The following MAP4K4 variants were observed in gnomAD, a reference collection of about 807,000 sequenced individuals.
MAP4K4 encodes the protein HPK/GCK-like kinase HGK.
MAP4K4 carries 38 observed loss-of-function variants against 189.6 expected under a neutral mutation model. The ratio of observed to expected loss-of-function variants is 0.20; its 90% CI spans 0.15 to 0.26. The LOEUF (loss-of-function observed/expected upper bound fraction) is 0.26, where lower values mean the gene tolerates loss of function less well. MAP4K4 is among the 10% of genes least tolerant of loss of function. MAP4K4 has a pLI of 1.00. For missense variants in MAP4K4, 1,054 were observed against 1,726.9 expected, an observed-to-expected ratio of 0.61 and a Z score of 6.91; for synonymous variants, 610 against 624.3, an observed-to-expected ratio of 0.98 and a Z score of 0.34.
At chr2:101,845,519 A>G (rs1224366552) in intron 12 of MAP4K4, among the ~76,000 whole-genome samples, 8 of 152,192 alleles carry the variant, frequency 5.3e-5, no homozygotes, top group African/African-American at 1.9e-4. Context: ...CACCTAGACT[A>G]TGTGGTGTGG....
At chr2:101,717,302 A>G (rs756283330) in intron 2 of MAP4K4, among the ~76,000 whole-genome samples, 1 of 152,202 alleles carries the variant, frequency 6.6e-6, no homozygotes, top group Admixed American at 6.5e-5. Context: ...AACGAAGCTT[A>G]TCTCCTTCCC....
At chr2:101,788,974 A>G (rs1293691337) in intron 2 of MAP4K4, among the ~76,000 whole-genome samples, 2 of 152,184 alleles carry the variant, frequency 1.3e-5, no homozygotes, top group East Asian at 3.9e-4. Flanking sequence ...TTACCCTATC[A>G]GATACTCAGA....
intron 2 of MAP4K4, among the ~76,000 whole-genome samples, chr2:101,772,404 A>G (rs2081924477): frequency 1.3e-5 from 2 of 152,240 alleles, no homozygotes; most frequent in Non-Finnish European, 2.9e-5. Context: ...TCTTTGATCT[A>G]AGTAACAGCT....
At chr2:101,770,781 G>A (rs2081037686) in intron 2 of MAP4K4, among the ~76,000 whole-genome samples, 3 of 152,174 alleles carry the variant, frequency 2.0e-5, no homozygotes, top group Admixed American at 2.0e-4. Context: ...GCTGTTGGCT[G>A]TCTTGTGTGG....
chr2:101,845,354 C>T (rs761513910), intron 12 of MAP4K4, among the ~76,000 whole-genome samples: 12 of 152,092 alleles, frequency 7.9e-5, no homozygotes, highest in African/African-American at 2.7e-4. Flanking sequence ...ACAGCTTTCA[C>T]GTTTTTAATG....
intron 2 of MAP4K4, among the ~76,000 whole-genome samples, chr2:101,702,059 C>T (rs1032148097): frequency 5.3e-5 from 8 of 152,044 alleles, no homozygotes; most frequent in Non-Finnish European, 1.0e-4. Context: ...TGGGTTTTCA[C>T]CATGTTGGCT....
intron 27 of MAP4K4, among the ~76,000 whole-genome samples, chr2:101,880,203 A>T (rs2098343216): frequency 6.6e-6 from 1 of 152,164 alleles, no homozygotes; most frequent in Non-Finnish European, 1.5e-5. Flanking sequence ...AGTGAAGTCC[A>T]ACTTACTAGT....
chr2:101,759,912 C>T (rs916415876), intron 2 of MAP4K4, among the ~76,000 whole-genome samples: 2 of 151,174 alleles, frequency 1.3e-5, no homozygotes, highest in African/African-American at 2.4e-5. Flanking sequence ...GGCACAGTCT[C>T]ACCTCACTGC....
chr2:101,803,281 GTT>G (rs57465633), intron 3 of MAP4K4, among the ~76,000 whole-genome samples: 5 of 148,524 alleles, frequency 3.4e-5, no homozygotes, highest in Admixed American at 3.3e-4. Flanking sequence ...GTGTGTGTGT[GTT>G]TGTGTGTGTG....
intron 2 of MAP4K4, among the ~76,000 whole-genome samples, chr2:101,740,775 C>G (rs2062384730): frequency 6.6e-6 from 1 of 152,034 alleles, no homozygotes; most frequent in Admixed American, 6.5e-5. Flanking sequence ...AAAAAAAAAC[C>G]TTATTTTTAG....
chr2:101,859,716 C>T (rs1228474024), exon 15 of MAP4K4: 1 of 1,612,448 alleles, frequency 6.2e-7, no homozygotes, highest in African/African-American at 1.3e-5. Context: ...CAAGAACAAG[C>T]ATATCTCCTG....
chr2:101,833,435 C>A (rs892002326), intron 7 of MAP4K4, among the ~76,000 whole-genome samples: 2 of 151,574 alleles, frequency 1.3e-5, no homozygotes, highest in African/African-American at 4.8e-5. Flanking sequence ...CCTGGCTAAC[C>A]CGGTGAAACC....
At chr2:101,742,526 G>A (rs2063318428) in intron 2 of MAP4K4, among the ~76,000 whole-genome samples, 1 of 104,046 alleles carries the variant, frequency 9.6e-6, no homozygotes, top group African/African-American at 2.6e-5. Flanking sequence ...CAATAAATGT[G>A]TGCCAGAGAG....
chr2:101,753,687 A>G (rs114914818), intron 2 of MAP4K4, among the ~76,000 whole-genome samples: 24 of 150,462 alleles, frequency 1.6e-4, no homozygotes, highest in African/African-American at 5.6e-4. Context: ...TCCTTAGCCC[A>G]GCAAAAACCT....
chr2:101,885,945 C>G (rs1446192700), intron 29 of MAP4K4, among the ~76,000 whole-genome samples: 7 of 152,082 alleles, frequency 4.6e-5, no homozygotes, highest in Non-Finnish European at 8.8e-5. Flanking sequence ...ACAAATATAC[C>G]TCACATTGCC....
At chr2:101,739,329 C>T (rs375388673) in intron 2 of MAP4K4, among the ~76,000 whole-genome samples, 3 of 152,272 alleles carry the variant, frequency 2.0e-5, no homozygotes, top group African/African-American at 4.8e-5. Flanking sequence ...TTTATGAAGT[C>T]ATCTTAGTGT....
rs757675150 is a variant in MAP4K4 at position 101,698,128 on chromosome 2, C to T, written c.48C>T (p.Ser16=). 5 of 1,260,840 alleles carry T rather than the reference C, an allele frequency of 4.0e-6. No homozygotes were observed. In the African/African-American group the frequency reaches 6.4e-5, roughly 16 times the overall value. 78.1% of individuals were successfully genotyped at this position (1,260,840 alleles called of 1,614,324 possible). ...AAAGTCTGGTGGACATCGACCTCTCCTCCCTGCGGGTGAGTGGGCCCGCGA... is the reference window on the plus strand; with the variant it reads ...AAAGTCTGGTGGACATCGACCTCTCTTCCCTGCGGGTGAGTGGGCCCGCGA... Residue 16 remains serine, a synonymous_variant, in exon 1 of 33, where the codon TCC becomes TCT. Transcript: ENST00000324219.
chr2:101,821,047 C>T (rs144757094), intron 3 of MAP4K4, among the ~76,000 whole-genome samples: 1 of 151,738 alleles, frequency 6.6e-6, no homozygotes, highest in African/African-American at 2.4e-5. Flanking sequence ...ACTGGCTAGT[C>T]TAAACACTGG....
In MAP4K4 at chr2:101,887,076, G is replaced by A. The variant is rs771225960; in HGVS notation, c.3622-12G>A. 5.3e-6 allele frequency: 8 copies of A among 1,512,688 alleles called. No individual in the cohort carries two copies. The African/African-American group carries it at 9.9e-5, about 19-fold the overall frequency. 93.7% of individuals were successfully genotyped at this position (1,512,688 alleles called of 1,614,324 possible). On this transcript the variant is annotated splice_polypyrimidine_tract_variant and intron_variant, in intron 29 of 32. Transcript: ENST00000324219. ...CCTTCATCTTCTCACTTCTCTTATG[G>A]CTTCTTTGCAGTCATTTGGAGAATT...
Sources: allele counts gnomAD v4.1 joint callset (sites outside exome capture counted in the v4.1 genomes callset), GRCh38; gene constraint gnomAD v4.1.1; transcripts MANE v1.5; gene names NCBI Gene and HGNC (gene_info 2026-07-23, HGNC 2026-07-21).